The following SNX29 variants were observed in gnomAD, a reference collection of about 807,000 sequenced individuals.
SNX29 encodes sorting nexin 29.
Under a neutral mutation model 102.1 loss-of-function variants are expected in SNX29, and 78 were observed. The ratio of observed to expected loss-of-function variants is 0.76; its 90% CI spans 0.64 to 0.92. The LOEUF (loss-of-function observed/expected upper bound fraction) is 0.92, where lower values mean the gene tolerates loss of function less well. Among genes scored for constraint, SNX29 ranks in the 40% least tolerant of loss-of-function variants. The pLI is 0.00. For synonymous variants in SNX29, 580 were observed against 414.5 expected (o/e 1.40, Z -4.85); for missense variants, 1,280 against 1,061.7 (o/e 1.21, Z -2.86).
intron 14 of SNX29, among the ~76,000 whole-genome samples, chr16:12,207,023 C>G (rs1255535803): frequency 6.6e-6 from 1 of 152,050 alleles, no homozygotes; most frequent in East Asian, 1.9e-4. Flanking sequence ...CTTCTTGAAT[C>G]CAGATTTAGC....
At chr16:12,036,306 C>A (rs2057469996) in intron 4 of SNX29, among the ~76,000 whole-genome samples, 1 of 140,420 alleles carries the variant, frequency 7.1e-6, no homozygotes, top group African/African-American at 2.6e-5. Flanking sequence ...CCAGGCTGGT[C>A]TTGGGTTTTC....
At chr16:12,523,094 G>T (rs1286706612) in intron 19 of SNX29, among the ~76,000 whole-genome samples, 2 of 152,210 alleles carry the variant, frequency 1.3e-5, no homozygotes, top group Non-Finnish European at 2.9e-5. Flanking sequence ...TTAAAGGTGT[G>T]TGAGCCACCA....
intron 15 of SNX29, among the ~76,000 whole-genome samples, chr16:12,337,835 T>C (rs1488177646): frequency 6.6e-6 from 1 of 152,198 alleles, no homozygotes; most frequent in Non-Finnish European, 1.5e-5. Context: ...ATCTCAAGTC[T>C]GGGACAGTCC....
chr16:12,020,341 C>G (rs2056981262), intron 3 of SNX29, among the ~76,000 whole-genome samples: 1 of 151,972 alleles, frequency 6.6e-6, no homozygotes, highest in South Asian at 2.1e-4. Context: ...TGCCTGTAAT[C>G]TTAACGCTTT....
chr16:12,128,244 G>T (rs537562015), intron 12 of SNX29, among the ~76,000 whole-genome samples: 1 of 152,312 alleles, frequency 6.6e-6, no homozygotes, highest in African/African-American at 2.4e-5. Flanking sequence ...AGAAGCCATA[G>T]ATTTTGTCTT....
At chr16:12,031,091 G>C (rs2057328960) in intron 4 of SNX29, among the ~76,000 whole-genome samples, 1 of 150,044 alleles carries the variant, frequency 6.7e-6, no homozygotes. Context: ...TTTTTTTTCT[G>C]AGACAATGTC....
chr16:12,562,551 G>T (rs1431484214), intron 20 of SNX29, among the ~76,000 whole-genome samples: 3 of 152,152 alleles, frequency 2.0e-5, no homozygotes, highest in East Asian at 1.9e-4. Flanking sequence ...AGTCATCTAA[G>T]ACACTGTCCC....
At chr16:12,567,053 A>C (rs1197330270) in intron 20 of SNX29, among the ~76,000 whole-genome samples, 1 of 152,264 alleles carries the variant, frequency 6.6e-6, no homozygotes, top group African/African-American at 2.4e-5. Flanking sequence ...TGAAGATGCT[A>C]GGCTGTTTCA....
chr16:12,201,515 C>T (rs949237092), intron 14 of SNX29, among the ~76,000 whole-genome samples: 2 of 152,140 alleles, frequency 1.3e-5, no homozygotes, highest in Non-Finnish European at 2.9e-5. Flanking sequence ...GTATATGTGT[C>T]TGTGGTGGAA....
chr16:12,530,464 G>A (rs954486036), intron 20 of SNX29, among the ~76,000 whole-genome samples: 2 of 151,964 alleles, frequency 1.3e-5, no homozygotes, highest in Non-Finnish European at 2.9e-5. Context: ...TCACTGTCAA[G>A]TCTTTTGTGT....
At position 12,572,928 on chromosome 16, in the gene SNX29, T is replaced by C; in HGVS notation, c.*4299T>C. 3.3e-6 allele frequency: 3 copies of C among 901,610 alleles called. No homozygotes were observed. Among genetic ancestry groups the C allele is most frequent in the Non-Finnish European group, 4.1e-6 (3 of 730,726 alleles). 55.9% of individuals were successfully genotyped at this position (901,610 alleles called of 1,614,324 possible). ...ATCACGGCAGACTTGGAGTGTTTCT[T>C]CAAGGCAGGCATCTGCTTATGAGCA... On this transcript the variant is annotated 3_prime_UTR_variant, in exon 21 of 21. Coordinates refer to ENST00000566228, the MANE Select transcript of SNX29 (RefSeq NM_032167.5).
At chr16:12,509,717 G>C (rs1015748878) in intron 19 of SNX29, among the ~76,000 whole-genome samples, 2 of 152,178 alleles carry the variant, frequency 1.3e-5, no homozygotes, top group African/African-American at 4.8e-5. Context: ...CCAGGAGTTT[G>C]AGACCAACCT....
At chr16:12,460,145 C>A (rs1401275287) in intron 18 of SNX29, among the ~76,000 whole-genome samples, 1 of 152,184 alleles carries the variant, frequency 6.6e-6, no homozygotes, top group African/African-American at 2.4e-5. Context: ...TCACGACCTC[C>A]CCAGCCCATT....
chr16:12,368,150 A>G (rs1392732346), intron 16 of SNX29, among the ~76,000 whole-genome samples: 2 of 152,168 alleles, frequency 1.3e-5, no homozygotes, highest in Non-Finnish European at 2.9e-5. Context: ...TGGCTTGCTC[A>G]TCACCATGGG....
intron 13 of SNX29, among the ~76,000 whole-genome samples, chr16:12,194,252 A>G (rs1432653621): frequency 6.6e-6 from 1 of 152,198 alleles, no homozygotes; most frequent in Non-Finnish European, 1.5e-5. Context: ...GCTGTTATAA[A>G]TGATTCTTTT....
At chr16:12,197,667 A>G (rs1238158472) in intron 13 of SNX29, among the ~76,000 whole-genome samples, 1 of 152,204 alleles carries the variant, frequency 6.6e-6, no homozygotes, top group Non-Finnish European at 1.5e-5. Flanking sequence ...TTTTGTGTCA[A>G]ACATTTGTGA....
chr16:12,038,798 C>T (rs1388952024), intron 4 of SNX29: 1 of 152,210 alleles, frequency 6.6e-6, no homozygotes, highest in East Asian at 1.9e-4. Context: ...GTGAGAGTCA[C>T]TTGACTGGAA....
At chr16:12,225,595 A>G (rs1407506089) in intron 14 of SNX29, among the ~76,000 whole-genome samples, 2 of 152,160 alleles carry the variant, frequency 1.3e-5, no homozygotes, top group Admixed American at 1.3e-4. Context: ...CTCTTTTGTA[A>G]GTTGCCCAGT....
chr16:12,232,088 G>A (rs79049561), intron 14 of SNX29, among the ~76,000 whole-genome samples: 5,910 of 152,136 alleles, frequency 0.039, 415 homozygotes, highest in African/African-American at 0.14. Context: ...CCCAGTTTAG[G>A]TTTTTAGCAG....
Sources: allele counts gnomAD v4.1 joint callset (sites outside exome capture counted in the v4.1 genomes callset), GRCh38; gene constraint gnomAD v4.1.1; transcripts MANE v1.5; gene names NCBI Gene and HGNC (gene_info 2026-07-23, HGNC 2026-07-21).